MELTF: variants seen among roughly 807,000 people sequenced by gnomAD.
MELTF encodes antigen p97 (melanoma associated) identified by monoclonal antibodies 133.2 and 96.5.
Under a neutral mutation model 83.7 loss-of-function variants are expected in MELTF, and 67 were observed. That is an observed-to-expected ratio of 0.80 (90% CI 0.66 to 0.98). The LOEUF is 0.98. Among genes scored for constraint, MELTF ranks in the 50% least tolerant of loss-of-function variants. The probability of loss-of-function intolerance (pLI) is 0.00; values close to 1 mark genes in which losing one functional copy is unlikely to be tolerated. For missense variants in MELTF, 1,002 were observed against 1,035.6 expected (o/e 0.97, Z 0.44); for synonymous variants, 462 against 447.6 (o/e 1.03, Z -0.41).
At chr3:197,015,621 G>A in intron 8 of MELTF, 105 bp from the exon 9 acceptor site, 1 of 1,284,272 alleles carries the variant, frequency 7.8e-7, no homozygotes, top group South Asian at 1.5e-5. Context: ...TCAGGTGTGT[G>A]GCTGGGATAA....
chr3:197,024,549 C>A lies in MELTF; in HGVS notation c.305-64G>T. 6.9e-7 allele frequency: 1 copy of A among 1,451,552 alleles called. No homozygotes were observed. The highest frequency in any genetic ancestry group is 1.3e-5 in the South Asian group (1 of 74,532). The allele number at this position is 1,451,552 out of a possible 1,614,324, so 89.9% of individuals were successfully genotyped here. ...GGCCTCGAGAGAGGCTGCACCAGCA[C>A]CCTGCCTGGGCGGGCTGTGGGAGAG... is the stretch of plus-strand genomic sequence containing the variant. On this transcript the variant is annotated intron_variant, in intron 3 of 15. Transcript: ENST00000296350. The surrounding 1 kb of genome is among the most constrained non-coding windows in gnomAD (Gnocchi z 5.3).
At chr3:197,010,889 G>T in intron 9 of MELTF, 95 bp from the exon 10 acceptor site, 1 of 1,119,386 alleles carries the variant, frequency 8.9e-7, no homozygotes, top group Non-Finnish European at 1.3e-6. Flanking sequence ...GGTCTCTTGG[G>T]GTTTGTGGCC....
intron 9 of MELTF, among the ~76,000 whole-genome samples, chr3:197,012,967 G>C (rs1001133279): frequency 1.3e-5 from 2 of 152,166 alleles, no homozygotes; most frequent in African/African-American, 4.8e-5. Flanking sequence ...AAAAGTTTCC[G>C]TTCACTAGAT....
intron 4 of MELTF, among the ~76,000 whole-genome samples, chr3:197,023,590 G>A (rs920204934): frequency 3.3e-5 from 5 of 152,170 alleles, no homozygotes; most frequent in Non-Finnish European, 5.9e-5. Flanking sequence ...TGGTTCTTCC[G>A]GCCCTGCCAG....
rs71623319 is a variant in MELTF at position 197,014,383 on chromosome 3, G to GTTTTTTT, written c.1233+975_1233+981dup. Among the ~76,000 whole-genome samples the GTTTTTTT allele has an allele frequency of 7.4e-3, 746 of 101,032 alleles. 64 individuals are homozygous for GTTTTTTT. Among genetic ancestry groups the GTTTTTTT allele is most frequent in the African/African-American group, 0.028 (685 of 24,104 alleles). 66.3% of individuals were successfully genotyped at this position (101,032 alleles called of 152,430 possible). A position where few individuals can be genotyped will look rare whatever the true frequency, so the allele number is the denominator to read the frequency against. On this transcript the variant is annotated intron_variant, in intron 9 of 15. Transcript: ENST00000296350. ...GTAGGGGAAGGGAGGAATAGGGAGA[G>GTTTTTTT]TTTTTTTTTTTTTTTTTTTTTTTGA...
At chr3:197,019,685 C>A in intron 6 of MELTF, 9 of 1,613,996 alleles carry the variant, frequency 5.6e-6, no homozygotes, top group Non-Finnish European at 7.6e-6. Context: ...TGAACGGGAG[C>A]CCATTTCCAG....
chr3:197,004,483 C>T, intron 14 of MELTF: 1 of 294,692 alleles, frequency 3.4e-6, no homozygotes, highest in South Asian at 3.3e-5. Flanking sequence ...CTTTCTCACT[C>T]TGTCTTACAG....
At position 197,006,545 on chromosome 3, in the gene MELTF, T is replaced by C; in HGVS notation, c.1938+4A>G. ...CTCAATGAGGTAGCCCCACCCTGGC[T>C]CACCTGGGCCTTGTCCAGCAGTCCA... On this transcript the variant is annotated splice_donor_region_variant and intron_variant, in intron 14 of 15. Coordinates refer to ENST00000296350, the MANE Select transcript of MELTF (RefSeq NM_005929.6). The surrounding 1 kb of genome is among the most constrained non-coding windows in gnomAD (Gnocchi z 5.4). 6.2e-7 allele frequency: 1 copy of C among 1,610,776 alleles called. No homozygotes were observed. The highest frequency in any genetic ancestry group is 1.1e-5 in the South Asian group (1 of 90,834).
chr3:197,010,669 T>G, intron 10 of MELTF, 29 bp downstream of exon 10: 1 of 1,587,122 alleles, frequency 6.3e-7, no homozygotes, highest in Non-Finnish European at 8.6e-7. Flanking sequence ...ACCTCCCGGC[T>G]GAGGCCAGGC....
At chr3:197,013,864 G>A (rs936817392) in intron 9 of MELTF, among the ~76,000 whole-genome samples, 4 of 152,242 alleles carry the variant, frequency 2.6e-5, no homozygotes, top group African/African-American at 4.8e-5. Context: ...ATGCTAGTGA[G>A]GATGCAGAAT....
Position 197,024,603 on chromosome 3 carries a change from CGG to C in MELTF, c.305-120_305-119del. 2.0e-5 allele frequency: 16 copies of C among 782,444 alleles called. No homozygotes were observed. Among genetic ancestry groups the C allele is most frequent in the South Asian group, 4.9e-5 (2 of 40,600 alleles). The allele number at this position is 782,444 out of a possible 1,614,324, so 48.5% of individuals were successfully genotyped here. ...TGTGCACGGAGCACGGCTGTACACA[CGG>C]ATGTGTGCATAGCGTTCTCGTTACC... is the stretch of plus-strand genomic sequence containing the variant. On this transcript the variant is annotated intron_variant, in intron 3 of 15. Transcript: ENST00000296350. The surrounding 1 kb of genome is among the most constrained non-coding windows in gnomAD (Gnocchi z 5.3).
rs1372496883 is a variant in MELTF at position 197,022,119 on chromosome 3, T to C, written c.645-648A>G. ...GCAGAATCCTCAGTGGAAGGGACCA[T>C]TGACTTTTACACGATCTGCTGATGT... On this transcript the variant is annotated intron_variant, in intron 5 of 15. Coordinates refer to ENST00000296350, the MANE Select transcript of MELTF (RefSeq NM_005929.6). The surrounding 1 kb of genome is among the most constrained non-coding windows in gnomAD (Gnocchi z 5.1). Among the ~76,000 whole-genome samples, 2 of 152,168 alleles carry C rather than the reference T, an allele frequency of 1.3e-5. No individual in the cohort carries two copies. Among genetic ancestry groups the C allele is most frequent in the East Asian group, 3.9e-4 (2 of 5,194 alleles).
Position 197,008,557 on chromosome 3 carries a change from G to A in MELTF, c.1750+100C>T, listed in dbSNP as rs55708335. The A allele has an allele frequency of 5.2e-6, 7 of 1,347,664 alleles. No homozygotes were observed. The highest frequency in any genetic ancestry group is 1.9e-4 in the Middle Eastern group (1 of 5,216). The allele number at this position is 1,347,664 out of a possible 1,614,324, so 83.5% of individuals were successfully genotyped here. On this transcript the variant is annotated intron_variant, in intron 13 of 15. Coordinates refer to ENST00000296350, the MANE Select transcript of MELTF (RefSeq NM_005929.6). This position sits in a 1 kb window ranked among gnomAD's most constrained non-coding sequence, Gnocchi z 5.4. ...AGCCTTCTAGACTCAGCCTCTCTGA[G>A]CTGCTGCTTGGCCCCAGCCCAGCAT...
At chr3:197,023,976 C>T (rs113733046) in intron 4 of MELTF, 32,178 of 567,660 alleles carry the variant, frequency 0.057, 1,200 homozygotes, top group South Asian at 0.094. Context: ...TGACCTGCGC[C>T]CGGTCTATAC....
intron 2 of MELTF, among the ~76,000 whole-genome samples, chr3:197,027,312 A>G (rs1030059756): frequency 6.6e-6 from 1 of 152,234 alleles, no homozygotes; most frequent in South Asian, 2.1e-4. Context: ...GAGGATTGTC[A>G]GTGTCATTTA....
At chr3:197,017,710 T>C (rs1008808133) in intron 6 of MELTF, among the ~76,000 whole-genome samples, 1 of 151,914 alleles carries the variant, frequency 6.6e-6, no homozygotes, top group African/African-American at 2.4e-5. Context: ...ACCCCATCTC[T>C]ACTAAAAATA....
rs1720007734 is a variant in MELTF at position 197,029,636 on chromosome 3, C to T, written c.49+18G>A. 2 of 1,243,486 alleles carry T rather than the reference C, an allele frequency of 1.6e-6. No individual in the cohort carries two copies. Among genetic ancestry groups the T allele is most frequent in the South Asian group, 7.3e-5 (2 of 27,280 alleles). The allele number at this position is 1,243,486 out of a possible 1,614,324, so 77.0% of individuals were successfully genotyped here. A position where few individuals can be genotyped will look rare whatever the true frequency, so the allele number is the denominator to read the frequency against. On this transcript the variant is annotated intron_variant, in intron 1 of 15. Transcript: ENST00000296350. This position sits in a 1 kb window ranked among gnomAD's most constrained non-coding sequence, Gnocchi z 6.5. ...CCGGGACCCCCGCCCGCCTTTGGCT[C>T]TCACAGCGGGGCCTCACCGGTGCGC...
intron 4 of MELTF, chr3:197,023,846 C>G (rs1047673192): frequency 2.2e-6 from 1 of 457,462 alleles, no homozygotes; most frequent in Non-Finnish European, 4.4e-6. Context: ...CGGGTTTACA[C>G]GGCTGGTTGG....
At position 197,015,532 on chromosome 3, in the gene MELTF, C is replaced by G; in HGVS notation, c.1082-16G>C. On this transcript the variant is annotated splice_polypyrimidine_tract_variant and intron_variant, in intron 8 of 15. Coordinates refer to ENST00000296350, the MANE Select transcript of MELTF (RefSeq NM_005929.6). Reference sequence around the variant, plus strand: ...GGGGGCAGCCCTGGGGTGGGGCAAGCAAGCGGTCACTGCCAGGCCAGTACT... The same window carrying G: ...GGGGGCAGCCCTGGGGTGGGGCAAGGAAGCGGTCACTGCCAGGCCAGTACT... The G allele has an allele frequency of 6.2e-7, 1 of 1,603,842 alleles. No individual in the cohort carries two copies. Among genetic ancestry groups the G allele is most frequent in the Non-Finnish European group, 8.5e-7 (1 of 1,174,256 alleles).
Sources: allele counts gnomAD v4.1 joint callset (sites outside exome capture counted in the v4.1 genomes callset), GRCh38; gene constraint gnomAD v4.1.1; non-coding constraint Gnocchi (gnomAD v3.1); transcripts MANE v1.5; gene names NCBI Gene and HGNC (gene_info 2026-07-23, HGNC 2026-07-21).